Variants in ZMYM2 observed in about 807,000 individuals in gnomAD.
ZMYM2 encodes the protein zinc finger MYM-type containing 2.
Under a neutral mutation model 162.8 loss-of-function variants are expected in ZMYM2, and 56 were observed. The observed-to-expected ratio is 0.34, with a 90% CI of 0.28 to 0.43. The LOEUF (loss-of-function observed/expected upper bound fraction) is 0.43, where lower values mean the gene tolerates loss of function less well. Among genes scored for constraint, ZMYM2 ranks in the 20% least tolerant of loss-of-function variants. The probability of loss-of-function intolerance (pLI) is 1.00; values close to 1 mark genes in which losing one functional copy is unlikely to be tolerated. For missense variants in ZMYM2, 1,275 were observed against 1,621.8 expected, an observed-to-expected ratio of 0.79 and a Z score of 3.67; for synonymous variants, 510 against 541.6, an observed-to-expected ratio of 0.94 and a Z score of 0.81.
At chr13:20,039,966 A>G (rs1175867195) in intron 12 of ZMYM2, among the ~76,000 whole-genome samples, 1 of 152,112 alleles carries the variant, frequency 6.6e-6, no homozygotes, top group Non-Finnish European at 1.5e-5. Flanking sequence ...AGCCTTTTCG[A>G]TGTGCTGCTG....
intron 10 of ZMYM2, among the ~76,000 whole-genome samples, 186 bp from the exon 11 acceptor site, chr13:20,034,068 T>G (rs1953448071): frequency 6.6e-6 from 1 of 152,218 alleles, no homozygotes. Flanking sequence ...CACTGAATTT[T>G]GTGGAGCTAT....
At chr13:19,942,477 A>G in the ZMYM2 span, among the ~76,000 whole-genome samples, 1 of 150,746 alleles carries the variant, frequency 6.6e-6, no homozygotes, top group Non-Finnish European at 1.5e-5. Context: ...CTGATGTGGG[A>G]GGATTGCTTG....
the ZMYM2 span, among the ~76,000 whole-genome samples, chr13:19,935,325 A>AG: frequency 6.7e-6 from 1 of 148,734 alleles, no homozygotes. Flanking sequence ...TAATAGAGAC[A>AG]GGGGTCTCAC....
chr13:19,995,877 G>C (rs561299608), intron 3 of ZMYM2, among the ~76,000 whole-genome samples: 1 of 152,198 alleles, frequency 6.6e-6, no homozygotes, highest in Non-Finnish European at 1.5e-5. Context: ...TGTGGTCCCA[G>C]CTACTTGGGG....
chr13:20,064,398 T>C (rs1593192786), intron 18 of ZMYM2, 53 bp from the exon 19 acceptor site: 2 of 1,479,024 alleles, frequency 1.4e-6, no homozygotes, highest in South Asian at 2.5e-5. Context: ...TGGCTGTGTT[T>C]ATGTAACCCT....
rs189410478 is a variant in ZMYM2, at chr13:19,999,228, C to T, written c.848-3622C>T. Among the ~76,000 whole-genome samples, 1,006 of 152,256 alleles carry T rather than the reference C, an allele frequency of 6.6e-3. 6 individuals are homozygous for T. The highest frequency in any genetic ancestry group is 0.011 in the Non-Finnish European group (727 of 68,010). On this transcript the variant is annotated intron_variant, in intron 3 of 24. Coordinates refer to ENST00000610343, the MANE Select transcript of ZMYM2 (RefSeq NM_197968.4). Reference sequence around the variant, plus strand: ...TCATTTTATAGTACTTTGTTTATTGCACTTCACAGATAATTGCATTTTACA... The same window carrying T: ...TCATTTTATAGTACTTTGTTTATTGTACTTCACAGATAATTGCATTTTACA...
chr13:19,903,370 T>C, the ZMYM2 span, among the ~76,000 whole-genome samples: 3 of 149,792 alleles, frequency 2.0e-5, no homozygotes, highest in Non-Finnish European at 4.4e-5. Context: ...CTGGGCGCAG[T>C]GGCTCACGCC....
At chr13:19,923,114 G>A in the ZMYM2 span, among the ~76,000 whole-genome samples, 2 of 150,974 alleles carry the variant, frequency 1.3e-5, no homozygotes, top group African/African-American at 4.9e-5. Flanking sequence ...CCGAGGCGGG[G>A]GGATCGCCTG....
At chr13:19,965,771 CTTTTTTTT>C (rs35914050) in intron 2 of ZMYM2, among the ~76,000 whole-genome samples, 2 of 104,888 alleles carry the variant, frequency 1.9e-5, no homozygotes, top group South Asian at 6.3e-4. Flanking sequence ...TATCTGAATT[CTTTTTTTT>C]TTTTTTTTTT....
chr13:20,050,540 A>G, intron 12 of ZMYM2, among the ~76,000 whole-genome samples: 1 of 152,012 alleles, frequency 6.6e-6, no homozygotes, highest in East Asian at 1.9e-4. Context: ...TAGATCAGAA[A>G]CTTAAATTAT....
At chr13:19,962,691 A>G (rs974894765) in intron 2 of ZMYM2, among the ~76,000 whole-genome samples, 2 of 149,014 alleles carry the variant, frequency 1.3e-5, no homozygotes, top group Non-Finnish European at 3.0e-5. Context: ...TGCCTGACCA[A>G]TTTTGTATTT....
At chr13:20,083,611 C>G in intron 23 of ZMYM2, 45 bp from the exon 24 acceptor site, 1 of 1,400,106 alleles carries the variant, frequency 7.1e-7, no homozygotes, top group Non-Finnish European at 9.8e-7. Flanking sequence ...TTATATCTTT[C>G]TTCAAGATTA....
Position 20,026,669 on chromosome 13 carries a change from A to G in ZMYM2, c.1642A>G (p.Met548Val), listed in dbSNP as rs773113861. ...CCGAACACAGTGCAGGTTTTTTGATATGACTCAGTGTATAGGTCCTAATGG... is the reference window on the plus strand; with the variant it reads ...CCGAACACAGTGCAGGTTTTTTGATGTGACTCAGTGTATAGGTCCTAATGG... ...GCRTQCRFFD[M>V]TQCIGPNGYM... is the part of the protein sequence containing the mutation. Residue 548 changes from methionine (M) to valine (V), a missense_variant, in exon 8 of 25, where the codon ATG becomes GTG. Physicochemically the swap from Met to Val is conservative, Grantham distance 21. Around this residue, in one of 10 missense-constraint regions of ZMYM2, gnomAD observed 276 missense variants for 311.8 expected, o/e 0.89. Transcript: ENST00000610343. The G allele has an allele frequency of 9.9e-6, 16 of 1,610,762 alleles. No individual in the cohort carries two copies. The East Asian group carries it at 2.5e-4, about 25-fold the overall frequency.
At chr13:19,958,144 G>A (rs1474296470), upstream of ZMYM2, among the ~76,000 whole-genome samples, 1 of 152,228 alleles carries the variant, frequency 6.6e-6, no homozygotes, top group Non-Finnish European at 1.5e-5. Context: ...CCCCAGCGCG[G>A]TCGGGATTCC....
chr13:20,074,237 T>TGA (rs1555330328), intron 21 of ZMYM2, among the ~76,000 whole-genome samples: 6,667 of 127,378 alleles, frequency 0.052, 488 homozygotes, highest in African/African-American at 0.16. Flanking sequence ...TGTGTGTGTG[T>TGA]GAGAGAGACA....
At chr13:20,032,630 A>G (rs1262064929) in intron 10 of ZMYM2, among the ~76,000 whole-genome samples, 1 of 82,642 alleles carries the variant, frequency 1.2e-5, no homozygotes, top group African/African-American at 5.4e-5. Flanking sequence ...TTTTTTTGAG[A>G]TGGAGTCTCG....
chr13:19,962,060 C>A (rs1955279415), intron 2 of ZMYM2, among the ~76,000 whole-genome samples: 1 of 152,132 alleles, frequency 6.6e-6, no homozygotes, highest in African/African-American at 2.4e-5. Flanking sequence ...CCTACTTTTC[C>A]ATGGGCTGGG....
chr13:20,008,251 C>G (rs953793654), intron 6 of ZMYM2, among the ~76,000 whole-genome samples: 2 of 152,180 alleles, frequency 1.3e-5, no homozygotes, highest in African/African-American at 4.8e-5. Flanking sequence ...TTGCTTCAGC[C>G]TCCTGAGTGG....
chr13:19,958,710 GCCGCCTCCT>G (rs1028397941), upstream of ZMYM2: 2 of 154,224 alleles, frequency 1.3e-5, no homozygotes, highest in African/African-American at 4.9e-5. Flanking sequence ...CGGCCGCGCC[GCCGCCTCCT>G]CCGCCTCCTC....
Sources: gnomAD v4.1 joint callset for allele counts (sites outside exome capture counted in the v4.1 genomes callset) on GRCh38, gnomAD v4.1.1 for gene constraint, gnomAD v4.1.1 regional missense constraint, MANE v1.5 for transcripts, NCBI Gene and HGNC (gene_info 2026-07-23, HGNC 2026-07-21) for gene names.